The following MALT1 variants were observed in gnomAD, a reference collection of about 807,000 sequenced individuals.
MALT1 encodes the protein MALT1 paracaspase, also known as mucosa-associated lymphoid tissue lymphoma translocation protein 1.
A neutral mutation model predicts 85.5 loss-of-function variants in MALT1; 36 were observed. That is an observed-to-expected ratio of 0.42 (90% confidence interval 0.32 to 0.56). The LOEUF (loss-of-function observed/expected upper bound fraction) is 0.56, where lower values mean the gene tolerates loss of function less well. MALT1 is among the 20% of genes least tolerant of loss of function. The pLI, the probability that MALT1 is intolerant of heterozygous loss-of-function variation, is 0.10. For synonymous variants in MALT1, 359 were observed against 361.3 expected (o/e 0.99, Z 0.07); for missense variants, 716 against 981.6 (o/e 0.73, Z 3.62).
At chr18:58,674,752 G>A (rs2054216065) in intron 1 of MALT1, among the ~76,000 whole-genome samples, 4 of 152,310 alleles carry the variant, frequency 2.6e-5, no homozygotes, top group Non-Finnish European at 4.4e-5. Flanking sequence ...TAGTGTGAGT[G>A]TCTAGTCCGT....
intron 2 of MALT1, among the ~76,000 whole-genome samples, chr18:58,695,877 A>G (rs2054579407): frequency 6.6e-6 from 1 of 152,238 alleles, no homozygotes; most frequent in Non-Finnish European, 1.5e-5. Flanking sequence ...GGGGGCACAT[A>G]TTCAGACAAT....
Position 58,715,943 on chromosome 18 carries a change from G to C in MALT1, c.994G>C (p.Glu332Gln). Residue 332 changes from glutamate to glutamine, a missense_variant, in exon 9 of 17, where the codon GAG (glutamate) becomes CAG (glutamine). Glu to Gln is a conservative substitution (Grantham distance 29). Transcript: ENST00000649217. ...TTTTTATCTTTGTATAGATAATAAA[G>C]AGCAAACAACTGACCAGCCTTTGGG... ...LNNLGHPDNK[E>Q]QTTDQPLAKD... 6.2e-7 allele frequency: 1 copy of C among 1,603,868 alleles called. No homozygotes were observed. The highest frequency in any genetic ancestry group is 8.5e-7 in the Non-Finnish European group (1 of 1,175,166).
intron 9 of MALT1, among the ~76,000 whole-genome samples, chr18:58,716,519 A>T (rs2054902742): frequency 6.6e-6 from 1 of 152,276 alleles, no homozygotes; most frequent in African/African-American, 2.4e-5. Context: ...GCCAGATAAA[A>T]TATGTCTAAA....
At chr18:58,682,642 C>T (rs1035951598) in intron 2 of MALT1, among the ~76,000 whole-genome samples, 4 of 152,212 alleles carry the variant, frequency 2.6e-5, no homozygotes, top group African/African-American at 7.2e-5. Context: ...GCTGACTCGC[C>T]TGGCTTGAAG....
intron 1 of MALT1, among the ~76,000 whole-genome samples, chr18:58,677,140 G>A (rs1321993397): frequency 6.6e-6 from 1 of 152,138 alleles, no homozygotes; most frequent in Non-Finnish European, 1.5e-5. Context: ...AGTTAGGTAT[G>A]TATAAGCATC....
intron 2 of MALT1, chr18:58,690,894 G>C: frequency 4.5e-6 from 1 of 222,494 alleles, no homozygotes; most frequent in Non-Finnish European, 9.4e-6. Flanking sequence ...GCCTGTCTCT[G>C]GCACTGTACT....
intron 14 of MALT1, among the ~76,000 whole-genome samples, chr18:58,743,529 C>G (rs1011255550): frequency 2.0e-5 from 3 of 151,730 alleles, no homozygotes; most frequent in Non-Finnish European, 4.4e-5. Context: ...CAACAAATAG[C>G]AAAATTACGG....
At chr18:58,696,801 A>G (rs1464517761) in intron 3 of MALT1, among the ~76,000 whole-genome samples, 1 of 152,232 alleles carries the variant, frequency 6.6e-6, no homozygotes, top group South Asian at 2.1e-4. Context: ...AACTCTTCAC[A>G]ACAGATTATG....
chr18:58,671,916 T>G (rs1602263595), intron 1 of MALT1, 64 bp downstream of exon 1: 8 of 974,090 alleles, frequency 8.2e-6, no homozygotes, highest in Non-Finnish European at 9.1e-6. Context: ...GGTGGGGAGG[T>G]GGGGGCGCTG....
chr18:58,703,390 T>TA (rs565543741), intron 4 of MALT1, among the ~76,000 whole-genome samples: 9 of 152,072 alleles, frequency 5.9e-5, no homozygotes, highest in African/African-American at 1.2e-4. Context: ...TTTCTTTAAA[T>TA]AAAAAATACC....
chr18:58,742,180 CTTAT>C (rs894743126), intron 14 of MALT1, among the ~76,000 whole-genome samples, 166 bp downstream of exon 14: 2 of 152,176 alleles, frequency 1.3e-5, no homozygotes, highest in Admixed American at 1.3e-4. Context: ...ATTACACTGG[CTTAT>C]TTGATTTAGA....
chr18:58,708,688 A>G lies in MALT1; in HGVS notation c.650-690A>G, dbSNP rs550333107. Among the ~76,000 whole-genome samples the G allele has an allele frequency of 9.2e-5, 14 of 152,340 alleles. No individual in the cohort carries two copies. The East Asian group carries it at 2.5e-3, about 27-fold the overall frequency. ...TCCTGATGAATTAAGAGAGCAATGC[A>G]TATCTTTCTAGACTATTTTTGTGCA... is the stretch of plus-strand genomic sequence containing the variant. On this transcript the variant is annotated intron_variant, in intron 4 of 16. Coordinates refer to ENST00000649217, the MANE Select transcript of MALT1 (RefSeq NM_006785.4).
rs1429259434 is a variant in MALT1 at position 58,741,988 on chromosome 18, G to A, written c.1727G>A (p.Arg576Gln). 7 of 1,542,498 alleles carry A rather than the reference G, an allele frequency of 4.5e-6. No homozygotes were observed. Among genetic ancestry groups the A allele is most frequent in the Admixed American group, 1.7e-5 (1 of 59,354 alleles). Reference sequence around the variant, plus strand: ...GAATATTCTGCTGAATCTCTTGTGCGGAATCTACAGTGGGCCAAGGCTCAT... The same window carrying A: ...GAATATTCTGCTGAATCTCTTGTGCAGAATCTACAGTGGGCCAAGGCTCAT... ...GTEYSAESLV[R>Q]NLQWAKAHEL... The change falls in exon 14 of 17, where the codon CGG becomes CAG. Residue 576 changes from arginine to glutamine, a missense_variant. Arg to Gln is a conservative substitution (Grantham distance 43). Around this residue, in one of 4 missense-constraint regions of MALT1, gnomAD observed 260 missense variants for 323.7 expected, o/e 0.80. Transcript: ENST00000649217.
At position 58,747,820 on chromosome 18, in the gene MALT1, G is replaced by C; in HGVS notation, c.2453G>C (p.Arg818Thr). 1 of 1,612,104 alleles carries C rather than the reference G, an allele frequency of 6.2e-7. No homozygotes were observed. ...TDEIPFSFSD[R>T]LRISEK ...GAAATACCATTTAGTTTCTCTGACA[G>C]GCTCAGAATTTCTGAAAAATGACCT... The change falls in exon 17 of 17, where the codon AGG (arginine) becomes ACG (threonine). Residue 818 changes from arginine to threonine, a missense_variant. Arg to Thr is a moderately conservative substitution (Grantham distance 71). Transcript: ENST00000649217.
At chr18:58,685,386 C>T (rs541376516) in intron 2 of MALT1, among the ~76,000 whole-genome samples, 2 of 152,206 alleles carry the variant, frequency 1.3e-5, no homozygotes, top group East Asian at 3.9e-4. Flanking sequence ...TTCCAAGTGA[C>T]GGTGGAACAA....
intron 9 of MALT1, among the ~76,000 whole-genome samples, chr18:58,718,010 T>A (rs1453299648): frequency 2.0e-5 from 3 of 152,214 alleles, no homozygotes; most frequent in Non-Finnish European, 4.4e-5. Context: ...CAAATATGCA[T>A]TTAATAGTAA....
chr18:58,673,521 C>T (rs1489287504), intron 1 of MALT1, among the ~76,000 whole-genome samples: 1 of 151,838 alleles, frequency 6.6e-6, no homozygotes, highest in Non-Finnish European at 1.5e-5. Context: ...GTGGTGTGAT[C>T]GTGGCTCACT....
chr18:58,705,884 A>C (rs11504831), intron 4 of MALT1, among the ~76,000 whole-genome samples: 7,976 of 151,982 alleles, frequency 0.052, 328 homozygotes, highest in East Asian at 0.22. Context: ...GTTCTAGATC[A>C]CTGAGGAATC....
At chr18:58,673,512 T>C (rs2054197861) in intron 1 of MALT1, among the ~76,000 whole-genome samples, 1 of 152,166 alleles carries the variant, frequency 6.6e-6, no homozygotes, top group Non-Finnish European at 1.5e-5. Flanking sequence ...TGGAGTGCAG[T>C]GGTGTGATCG....
Sources: gnomAD v4.1 joint callset for allele counts (sites outside exome capture counted in the v4.1 genomes callset) on GRCh38, gnomAD v4.1.1 for gene constraint, gnomAD v4.1.1 regional missense constraint, MANE v1.5 for transcripts, NCBI Gene and HGNC (gene_info 2026-07-23, HGNC 2026-07-21) for gene names.